The following HTR2C variants were observed in gnomAD, a reference collection of about 807,000 sequenced individuals.
HTR2C encodes 5-hydroxytryptamine (serotonin) receptor 2C, G protein-coupled.
Under a neutral mutation model 21.0 loss-of-function variants are expected in HTR2C, and 5 were observed. The ratio of observed to expected loss-of-function variants is 0.24; its 90% CI spans 0.12 to 0.50. HTR2C has a LOEUF of 0.50. HTR2C is among the 20% of genes least tolerant of loss of function. HTR2C has a pLI of 0.98. For missense variants in HTR2C, 271 were observed against 371.2 expected (o/e 0.73, Z 2.22); for synonymous variants, 150 against 145.3 (o/e 1.03, Z -0.23).
intron 2 of HTR2C, among the ~76,000 whole-genome samples, chrX:114,664,809 A>G (rs1931116328): frequency 8.9e-6 from 1 of 111,818 alleles, no homozygotes; most frequent in African/African-American, 3.3e-5. Context: ...GTCTTCCACA[A>G]TGACTGAACT....
chrX:114,593,215 T>G (rs1433396740), intron 1 of HTR2C, among the ~76,000 whole-genome samples: 1 of 111,740 alleles, frequency 8.9e-6, no homozygotes, highest in Non-Finnish European at 1.9e-5. Context: ...TTTAAGAAAA[T>G]AGACATAATT....
At chrX:114,825,838 T>G (rs782567075) in intron 4 of HTR2C, among the ~76,000 whole-genome samples, 3 of 111,688 alleles carry the variant, frequency 2.7e-5, no homozygotes, top group Non-Finnish European at 3.8e-5. Flanking sequence ...TTAAATGTAT[T>G]ATAAACGTTT....
rs376370911 is a variant in HTR2C, at chrX:114,744,920, T to C, written c.349+13313T>C. On this transcript the variant is annotated intron_variant, in intron 4 of 5. Transcript: ENST00000276198. Reference sequence around the variant, plus strand: ...TTATTTCTATCAATTCAACAACTTATATGAAATGAACCAATTCTCTTAAAC... The same window carrying C: ...TTATTTCTATCAATTCAACAACTTACATGAAATGAACCAATTCTCTTAAAC... Among the ~76,000 whole-genome samples the C allele has an allele frequency of 5.3e-5, 6 of 112,272 alleles. No homozygotes were observed. In the East Asian group the frequency reaches 1.4e-3, roughly 26 times the overall value.
intron 4 of HTR2C, among the ~76,000 whole-genome samples, chrX:114,822,427 A>C (rs782408341): frequency 2.7e-5 from 3 of 112,210 alleles, no homozygotes; most frequent in Non-Finnish European, 5.6e-5. Context: ...AGAAGTCCTC[A>C]TTATTATATT....
chrX:114,899,062 C>T, intron 5 of HTR2C, among the ~76,000 whole-genome samples: 1 of 112,112 alleles, frequency 8.9e-6, no homozygotes. Flanking sequence ...TCTCTGATTA[C>T]TTTGAGCAGT....
chrX:114,814,711 C>T (rs1379606492), intron 4 of HTR2C, among the ~76,000 whole-genome samples: 1 of 104,452 alleles, frequency 9.6e-6, no homozygotes, highest in African/African-American at 3.4e-5. Flanking sequence ...TACCAAGTTT[C>T]ACAGAACATC....
intron 5 of HTR2C, among the ~76,000 whole-genome samples, chrX:114,906,199 G>A (rs2071371007): frequency 1.8e-5 from 2 of 112,002 alleles, no homozygotes; most frequent in Non-Finnish European, 3.8e-5. Context: ...ATGTCATCAA[G>A]TACAGATGTG....
chrX:114,598,825 A>T (rs902685560), intron 1 of HTR2C, among the ~76,000 whole-genome samples: 8 of 111,625 alleles, frequency 7.2e-5, no homozygotes, highest in Non-Finnish European at 1.5e-4. Context: ...AAGCATACTG[A>T]TCACATTTGT....
intron 2 of HTR2C, among the ~76,000 whole-genome samples, chrX:114,631,403 C>T (rs1424264922): frequency 4.5e-5 from 5 of 111,729 alleles, no homozygotes; most frequent in African/African-American, 1.6e-4. Context: ...TCATTACTAG[C>T]TGTGAAGCTT....
chrX:114,807,494 TACC>T (rs2070487267), intron 4 of HTR2C, among the ~76,000 whole-genome samples: 8 of 81,148 alleles, frequency 9.9e-5, no homozygotes, highest in African/African-American at 3.4e-4. Context: ...ATCATATATA[TACC>T]ATATATATAC....
intron 4 of HTR2C, among the ~76,000 whole-genome samples, chrX:114,811,397 A>G (rs891129051): frequency 1.8e-5 from 2 of 111,654 alleles, no homozygotes; most frequent in Non-Finnish European, 3.8e-5. Context: ...TCGTATAACA[A>G]AAGAGATCTA....
intron 2 of HTR2C, among the ~76,000 whole-genome samples, chrX:114,660,440 A>G (rs1930942617): frequency 8.9e-6 from 1 of 112,239 alleles, no homozygotes; most frequent in Non-Finnish European, 1.9e-5. Context: ...CAAGTCCATT[A>G]TCTGTTTTCA....
At position 114,660,734 on chromosome X, in the gene HTR2C, A is replaced by G. The variant is rs782050849; in HGVS notation, c.-80+46853A>G. Among the ~76,000 whole-genome samples, 6 of 112,271 alleles carry G rather than the reference A, an allele frequency of 5.3e-5. No homozygotes were observed. The South Asian group carries it at 1.8e-3, about 34-fold the overall frequency. On this transcript the variant is annotated intron_variant, in intron 2 of 5. Transcript: ENST00000276198. The stretch of plus-strand genomic sequence containing the variant: ...GTACAATGCCCTTTTTAGGATTTCT[A>G]TGTGTTTGAAATTACATGTATCAGT...
chrX:114,615,463 T>C (rs1928911703), intron 2 of HTR2C, among the ~76,000 whole-genome samples: 1 of 112,162 alleles, frequency 8.9e-6, no homozygotes, highest in South Asian at 3.7e-4. Context: ...AGGAAATCAC[T>C]CATTCTGTTT....
chrX:114,743,299 C>T (rs1182072834), intron 4 of HTR2C, among the ~76,000 whole-genome samples: 1 of 109,818 alleles, frequency 9.1e-6, no homozygotes, highest in Non-Finnish European at 1.9e-5. Flanking sequence ...CCTGAGGAAT[C>T]GCCACACTGA....
chrX:114,626,380 C>T (rs1181000137), intron 2 of HTR2C, among the ~76,000 whole-genome samples: 1 of 67,481 alleles, frequency 1.5e-5, no homozygotes, highest in Non-Finnish European at 2.7e-5. Flanking sequence ...CAGAAGGAGA[C>T]CCTGTCACAA....
intron 4 of HTR2C, among the ~76,000 whole-genome samples, chrX:114,787,028 A>G (rs1556442300): frequency 8.9e-6 from 1 of 111,815 alleles, no homozygotes; most frequent in Non-Finnish European, 1.9e-5. Context: ...AGTGAAAGCA[A>G]TTACAATTTT....
At chrX:114,674,336 T>A (rs1470452229) in intron 2 of HTR2C, among the ~76,000 whole-genome samples, 5 of 112,518 alleles carry the variant, frequency 4.4e-5, no homozygotes, top group African/African-American at 1.6e-4. Flanking sequence ...TGAAACATTC[T>A]ATAGCTACCA....
intron 4 of HTR2C, among the ~76,000 whole-genome samples, chrX:114,754,826 G>A (rs1317254666): frequency 1.8e-5 from 2 of 111,853 alleles, no homozygotes; most frequent in Non-Finnish European, 3.8e-5. Context: ...GCCCTTTAAA[G>A]GAATTGGAAA....
Sources: allele counts gnomAD v4.1 joint callset (sites outside exome capture counted in the v4.1 genomes callset), GRCh38; gene constraint gnomAD v4.1.1; transcripts MANE v1.5; gene names NCBI Gene and HGNC (gene_info 2026-07-23, HGNC 2026-07-21).